Variants in FGF12 observed in about 807,000 individuals in gnomAD.
The protein encoded by FGF12 is fibroblast growth factor 12B.
In FGF12, 14 loss-of-function variants were observed where a neutral mutation model predicts 23.6. The ratio of observed to expected loss-of-function variants is 0.59; its 90% confidence interval spans 0.39 to 0.93. FGF12 has a LOEUF of 0.93. FGF12 is among the 40% of genes least tolerant of loss of function. The probability of loss-of-function intolerance (pLI) is 0.00; values close to 1 mark genes in which losing one functional copy is unlikely to be tolerated. For synonymous variants in FGF12, 62 were observed against 77.3 expected, an observed-to-expected ratio of 0.80 and a Z score of 1.04; for missense variants, 175 against 217.8, an observed-to-expected ratio of 0.80 and a Z score of 1.24.
intron 2 of FGF12, among the ~76,000 whole-genome samples, chr3:192,649,721 C>G (rs1340270346): frequency 9.1e-6 from 1 of 109,950 alleles, no homozygotes; most frequent in Non-Finnish European, 2.0e-5. Context: ...ACATGCCTGG[C>G]TAATTTTTTT....
At chr3:192,187,142 A>G (rs1167433684) in intron 4 of FGF12, among the ~76,000 whole-genome samples, 6 of 152,140 alleles carry the variant, frequency 3.9e-5, no homozygotes, top group African/African-American at 1.2e-4. Context: ...ATTTTCCCTA[A>G]TAGAATCAGC....
intron 4 of FGF12, among the ~76,000 whole-genome samples, chr3:192,189,148 G>A (rs1381929864): frequency 6.6e-6 from 1 of 152,166 alleles, no homozygotes; most frequent in Non-Finnish European, 1.5e-5. Context: ...CGGTTTCATG[G>A]TATCTCCAGT....
At chr3:192,413,276 G>C (rs376378413) in intron 2 of FGF12, among the ~76,000 whole-genome samples, 8 of 152,108 alleles carry the variant, frequency 5.3e-5, no homozygotes, top group Admixed American at 5.2e-4. Flanking sequence ...GTCAGTTACC[G>C]TGAAATTCCA....
At chr3:192,324,801 A>G (rs1458660398) in intron 4 of FGF12, among the ~76,000 whole-genome samples, 1 of 152,222 alleles carries the variant, frequency 6.6e-6, no homozygotes, top group Non-Finnish European at 1.5e-5. Context: ...AAAGAAAAAT[A>G]TAAAATCTGG....
chr3:192,663,397 A>G (rs1716741424), intron 2 of FGF12, among the ~76,000 whole-genome samples: 1 of 152,186 alleles, frequency 6.6e-6, no homozygotes, highest in South Asian at 2.1e-4. Flanking sequence ...AGGGTAGCAC[A>G]TAGTAGAATC....
At chr3:192,307,069 T>G (rs149280201) in intron 4 of FGF12, among the ~76,000 whole-genome samples, 1 of 152,228 alleles carries the variant, frequency 6.6e-6, no homozygotes, top group Non-Finnish European at 1.5e-5. Flanking sequence ...GTTGAAAATG[T>G]GTTATGTGAA....
chr3:192,488,491 T>C (rs1208515894), intron 2 of FGF12, among the ~76,000 whole-genome samples: 1 of 152,092 alleles, frequency 6.6e-6, no homozygotes, highest in Non-Finnish European at 1.5e-5. Flanking sequence ...TCTCAGTCCA[T>C]TAGCTCCACC....
At chr3:192,420,342 G>T (rs1294303785) in intron 2 of FGF12, among the ~76,000 whole-genome samples, 3 of 152,106 alleles carry the variant, frequency 2.0e-5, no homozygotes, top group Non-Finnish European at 4.4e-5. Context: ...TTTCCCACGA[G>T]ATCTACCAAT....
At chr3:192,629,418 A>G (rs1004776083) in intron 2 of FGF12, among the ~76,000 whole-genome samples, 10 of 152,228 alleles carry the variant, frequency 6.6e-5, no homozygotes, top group Non-Finnish European at 1.5e-4. Context: ...AGATATTACT[A>G]GTTAGGCTTC....
At chr3:192,721,514 A>T (rs1225561424) in intron 2 of FGF12, among the ~76,000 whole-genome samples, 1 of 152,304 alleles carries the variant, frequency 6.6e-6, no homozygotes, top group Non-Finnish European at 1.5e-5. Flanking sequence ...AACGTTATTT[A>T]TGGGTGTAAA....
intron 5 of FGF12, among the ~76,000 whole-genome samples, chr3:192,152,611 T>C (rs745319528): frequency 0.035 from 3,926 of 112,414 alleles, 120 homozygotes; most frequent in East Asian, 0.047. Flanking sequence ...AGTTTCCATG[T>C]AGTTGAGCGG....
At chr3:192,550,562 T>G (rs1236851097) in intron 2 of FGF12, among the ~76,000 whole-genome samples, 2 of 151,858 alleles carry the variant, frequency 1.3e-5, no homozygotes, top group Non-Finnish European at 2.9e-5. Flanking sequence ...GAATGTAGTA[T>G]GTCAAGTTTG....
intron 4 of FGF12, among the ~76,000 whole-genome samples, chr3:192,314,178 A>C (rs924997048): frequency 6.6e-6 from 1 of 152,176 alleles, no homozygotes; most frequent in African/African-American, 2.4e-5. Flanking sequence ...ATGAATGTCC[A>C]TTATTTAAGC....
chr3:192,565,610 C>A (rs760504424), intron 2 of FGF12, among the ~76,000 whole-genome samples: 2 of 152,198 alleles, frequency 1.3e-5, no homozygotes, highest in Non-Finnish European at 2.9e-5. Flanking sequence ...ATAGGCTATA[C>A]CCTACAGCTT....
chr3:192,603,473 T>C (rs545363277), intron 2 of FGF12, among the ~76,000 whole-genome samples: 11 of 152,216 alleles, frequency 7.2e-5, no homozygotes, highest in Admixed American at 2.6e-4. Flanking sequence ...TAGGGATGTA[T>C]TGGGGGAACC....
intron 2 of FGF12, among the ~76,000 whole-genome samples, chr3:192,715,652 T>C (rs541327597): frequency 1.3e-5 from 2 of 152,340 alleles, no homozygotes; most frequent in African/African-American, 2.4e-5. Flanking sequence ...CTCTAATGCC[T>C]AGCCAGAGCA....
intron 2 of FGF12, among the ~76,000 whole-genome samples, chr3:192,454,516 T>C (rs1722621592): frequency 6.6e-6 from 1 of 152,022 alleles, no homozygotes; most frequent in Admixed American, 6.6e-5. Flanking sequence ...GGAAAAATAA[T>C]TGAAAAGTAC....
chr3:192,504,060 C>T (rs1001608695), intron 2 of FGF12, among the ~76,000 whole-genome samples: 5 of 151,834 alleles, frequency 3.3e-5, no homozygotes, highest in African/African-American at 1.2e-4. Flanking sequence ...GATCTAGAGG[C>T]CGTTATCCTA....
At chr3:192,506,509 T>C (rs1282281525) in intron 2 of FGF12, among the ~76,000 whole-genome samples, 1 of 152,116 alleles carries the variant, frequency 6.6e-6, no homozygotes, top group Non-Finnish European at 1.5e-5. Flanking sequence ...TAGCTGGGAT[T>C]ATAGCTGCGC....
Sources: allele counts gnomAD v4.1 joint callset (sites outside exome capture counted in the v4.1 genomes callset), GRCh38; gene constraint gnomAD v4.1.1; transcripts MANE v1.5; gene names NCBI Gene and HGNC (gene_info 2026-07-23, HGNC 2026-07-21).